Variants in DYNC1H1 observed in about 807,000 individuals in gnomAD.
DYNC1H1 encodes the protein cytoplasmic dynein 1 heavy chain 1.
DYNC1H1 carries 51 observed loss-of-function variants against 527.1 expected under a neutral mutation model. The observed-to-expected ratio is 0.10, with a 90% CI of 0.08 to 0.12. The LOEUF (loss-of-function observed/expected upper bound fraction) is 0.12. Ranked by LOEUF, DYNC1H1 falls within the 10% of genes least tolerant of loss-of-function variation. DYNC1H1 has a pLI of 1.00. For missense variants in DYNC1H1, 2,771 were observed against 5,971.8 expected, an observed-to-expected ratio of 0.46 and a Z score of 17.66; for synonymous variants, 2,189 against 2,278.8, an observed-to-expected ratio of 0.96 and a Z score of 1.12.
rs1038780180 is a variant in DYNC1H1 at position 102,042,325 on chromosome 14, C to T, written c.12275+37C>T. On this transcript the variant is annotated intron_variant, in intron 67 of 77. Coordinates refer to ENST00000360184, the MANE Select transcript of DYNC1H1 (RefSeq NM_001376.5). This position sits in a 1 kb window ranked among gnomAD's most constrained non-coding sequence, Gnocchi z 5.7. ...CTCTTTGGCTGAAGAAAGCCTTAGTCCCCAGGCATTCAGGCAGGCAGCCTG... is the reference window on the plus strand; with the variant it reads ...CTCTTTGGCTGAAGAAAGCCTTAGTTCCCAGGCATTCAGGCAGGCAGCCTG... 2 of 1,614,136 alleles carry T rather than the reference C, an allele frequency of 1.2e-6. No homozygotes were observed. The highest frequency in any genetic ancestry group is 1.7e-6 in the Non-Finnish European group (2 of 1,180,022).
intron 1 of DYNC1H1, among the ~76,000 whole-genome samples, chr14:101,971,085 CTTTTTTTT>C (rs780745783): frequency 1.6e-5 from 1 of 64,072 alleles, no homozygotes; most frequent in Non-Finnish European, 2.9e-5. Flanking sequence ...CCGTATCATT[CTTTTTTTT>C]TTTTTTTTTT....
chr14:102,038,916 G>T lies in DYNC1H1; in HGVS notation c.11206+68G>T. On this transcript the variant is annotated intron_variant, in intron 59 of 77. Coordinates refer to ENST00000360184, the MANE Select transcript of DYNC1H1 (RefSeq NM_001376.5). This position sits in a 1 kb window ranked among gnomAD's most constrained non-coding sequence, Gnocchi z 7.2. ...AAGGGGCTGAACTTTTAAGTGACTA[G>T]GATGTTCCACGTTTGTGGCAAACAC... The T allele has an allele frequency of 6.2e-7, 1 of 1,612,902 alleles. No individual in the cohort carries two copies. The highest frequency in any genetic ancestry group is 2.2e-5 in the East Asian group (1 of 44,884).
rs2048668647 is a variant in DYNC1H1, at chr14:102,042,851, G to GGT, written c.12513+105_12513+106dup. ...CCCTGGGCCCCCGGAAGTGCCGTGT[G>GGT]GTGAACTGCACAGCTGCTTTTGCTT... is the stretch of plus-strand genomic sequence containing the variant. On this transcript the variant is annotated intron_variant, in intron 69 of 77. Transcript: ENST00000360184. This position sits in a 1 kb window ranked among gnomAD's most constrained non-coding sequence, Gnocchi z 5.7. The GGT allele has an allele frequency of 7.6e-7, 1 of 1,309,940 alleles. No homozygotes were observed. Among genetic ancestry groups the GGT allele is most frequent in the Non-Finnish European group, 1.1e-6 (1 of 926,800 alleles). 81.1% of individuals were successfully genotyped at this position (1,309,940 alleles called of 1,614,324 possible).
chr14:102,047,891 GAGA>G lies in DYNC1H1; in HGVS notation c.13088_13090del (p.Lys4363del). On this transcript the variant is annotated inframe_deletion, in exon 73 of 78. Coordinates refer to ENST00000360184, the MANE Select transcript of DYNC1H1 (RefSeq NM_001376.5). ...GGACGACCTGGCCTACGCAGAGACT[GAGA>G]AGAAGACGAGGACAGACTCCACGTC... 1.2e-6 allele frequency: 2 copies of G among 1,613,696 alleles called. No individual in the cohort carries two copies. The highest frequency in any genetic ancestry group is 1.3e-5 in the African/African-American group (1 of 74,926).
chr14:102,004,904 C>T lies in DYNC1H1; in HGVS notation c.5192C>T (p.Thr1731Ile), dbSNP rs2141288753. 6.2e-7 allele frequency: 1 copy of T among 1,614,226 alleles called. No homozygotes were observed. Among genetic ancestry groups the T allele is most frequent in the South Asian group, 1.1e-5 (1 of 91,084 alleles). Residue 1731 changes from threonine to isoleucine, a missense_variant, in exon 25 of 78, where the codon ACT becomes ATT. Around this residue, in one of 32 missense-constraint regions of DYNC1H1, gnomAD observed 105 missense variants for 138.1 expected, o/e 0.76. Transcript: ENST00000360184. The part of the protein sequence containing the change: ...VTEVEIFGKA[T>I]SIDPNTYITW... Reference sequence around the variant, plus strand: ...GAAGTTGAGATTTTTGGTAAAGCAACTTCAATTGACCCAAATACCTACATC... The same window carrying T: ...GAAGTTGAGATTTTTGGTAAAGCAATTTCAATTGACCCAAATACCTACATC...
intron 34 of DYNC1H1, among the ~76,000 whole-genome samples, chr14:102,014,432 G>T (rs1253283548): frequency 6.6e-6 from 1 of 151,820 alleles, no homozygotes; most frequent in African/African-American, 2.4e-5. Context: ...TACTCAGGAG[G>T]CTGAGACAGG....
At chr14:101,967,430 GA>G (rs1394216926) in intron 1 of DYNC1H1, among the ~76,000 whole-genome samples, 2 of 152,142 alleles carry the variant, frequency 1.3e-5, no homozygotes, top group Admixed American at 6.5e-5. Context: ...TTTTTTTGTG[GA>G]AGTATCCAAA....
In DYNC1H1 at chr14:102,044,535, G is replaced by A; in HGVS notation, c.12902+44G>A. Reference sequence around the variant, plus strand: ...GAATGGAGACAGTTGTGATGTCAGGGCGTCTGGTGTCACTCAGAGGTGACC... The same window carrying A: ...GAATGGAGACAGTTGTGATGTCAGGACGTCTGGTGTCACTCAGAGGTGACC... On this transcript the variant is annotated intron_variant, in intron 71 of 77. Transcript: ENST00000360184. This position sits in a 1 kb window ranked among gnomAD's most constrained non-coding sequence, Gnocchi z 7.1. 1 of 1,613,940 alleles carries A rather than the reference G, an allele frequency of 6.2e-7. No individual in the cohort carries two copies. The highest frequency in any genetic ancestry group is 8.5e-7 in the Non-Finnish European group (1 of 1,179,860).
Position 102,042,077 on chromosome 14 carries a change from A to C in DYNC1H1, c.12167A>C (p.Glu4056Ala). The part of the protein sequence containing the change: ...VPGYDASGHV[E>A]DLAAEQNTQI... ...GGTTATGATGCCAGTGGACATGTCGAGGACCTTGCAGCCGAGCAGAACACG... is the reference window on the plus strand; with the variant it reads ...GGTTATGATGCCAGTGGACATGTCGCGGACCTTGCAGCCGAGCAGAACACG... The change falls in exon 66 of 78, where the codon GAG becomes GCG. Residue 4056 changes from glutamate (E) to alanine (A), a missense_variant. Physicochemically the swap from Glu to Ala is moderately radical, Grantham distance 107. This residue lies in a region of DYNC1H1 where 195 missense variants were observed against 428.6 expected (regional missense o/e 0.45). Coordinates refer to ENST00000360184, the MANE Select transcript of DYNC1H1 (RefSeq NM_001376.5). The surrounding 1 kb of genome is among the most constrained non-coding windows in gnomAD (Gnocchi z 5.7). The C allele has an allele frequency of 6.2e-7, 1 of 1,614,112 alleles. No homozygotes were observed. The highest frequency in any genetic ancestry group is 8.5e-7 in the Non-Finnish European group (1 of 1,180,016).
rs755543897 is a variant in DYNC1H1 at position 101,994,201 on chromosome 14, A to G, written c.3033A>G (p.Glu1011=). The change falls in exon 12 of 78, where the codon GAA becomes GAG. Residue 1011 remains glutamate, a synonymous_variant. Transcript: ENST00000360184. The part of the protein sequence containing the change: ...SQRYQVGVHY[E]LTEEEKFYRN... ...TTGGCTAGGTGGGTGTACATTACGA[A>G]TTGACTGAGGAAGAGAAATTCTATC... 42 of 1,614,208 alleles carry G rather than the reference A, an allele frequency of 2.6e-5. No homozygotes were observed. The highest frequency in any genetic ancestry group is 3.4e-5 in the Non-Finnish European group (40 of 1,180,040).
intron 41 of DYNC1H1, among the ~76,000 whole-genome samples, chr14:102,019,372 G>A (rs1185902804): frequency 6.6e-6 from 1 of 152,218 alleles, no homozygotes; most frequent in Non-Finnish European, 1.5e-5. Flanking sequence ...AGTGGGAGCC[G>A]CCAACTGCCC....
chr14:102,022,722 C>T (rs373466937), intron 42 of DYNC1H1, 29 bp from the exon 43 acceptor site: 2 of 1,613,732 alleles, frequency 1.2e-6, no homozygotes, highest in African/African-American at 2.7e-5. Context: ...CCTCTAGTTA[C>T]CTAAATGCAC....
intron 5 of DYNC1H1, 98 bp downstream of exon 5, chr14:101,980,648 T>C: frequency 1.4e-6 from 2 of 1,394,218 alleles, no homozygotes; most frequent in East Asian, 4.9e-5. Context: ...TTTTCACAGA[T>C]GTACTGTCGT....
At position 102,002,499 on chromosome 14, in the gene DYNC1H1, G is replaced by T. The variant is rs372396642; in HGVS notation, c.4543-38G>T. Reference sequence around the variant, plus strand: ...GTTTTGGCATATCTGTGAGTAGAAGGGTCAGCAGTTTACCTCTCCCTCCTG... The same window carrying T: ...GTTTTGGCATATCTGTGAGTAGAAGTGTCAGCAGTTTACCTCTCCCTCCTG... On this transcript the variant is annotated intron_variant, in intron 21 of 77. Coordinates refer to ENST00000360184, the MANE Select transcript of DYNC1H1 (RefSeq NM_001376.5). This position sits in a 1 kb window ranked among gnomAD's most constrained non-coding sequence, Gnocchi z 4.4. 6.2e-7 allele frequency: 1 copy of T among 1,613,018 alleles called. No individual in the cohort carries two copies. The highest frequency in any genetic ancestry group is 1.3e-5 in the African/African-American group (1 of 74,882).
chr14:102,020,192 C>T lies in DYNC1H1; in HGVS notation c.8507+136C>T. ...GTGCCAGTGGTGGAAGGAGCAGAGT[C>T]AGCCAGGGCAGCCTCCCGTCTGGAC... On this transcript the variant is annotated intron_variant, in intron 42 of 77. Coordinates refer to ENST00000360184, the MANE Select transcript of DYNC1H1 (RefSeq NM_001376.5). The surrounding 1 kb of genome is among the most constrained non-coding windows in gnomAD (Gnocchi z 4.3). 3.4e-6 allele frequency: 4 copies of T among 1,190,836 alleles called. No individual in the cohort carries two copies. Among genetic ancestry groups the T allele is most frequent in the East Asian group, 2.6e-5 (1 of 39,120 alleles). 73.8% of individuals were successfully genotyped at this position (1,190,836 alleles called of 1,614,324 possible). A position where few individuals can be genotyped will look rare whatever the true frequency, so the allele number is the denominator to read the frequency against.
At chr14:102,026,756 G>T (rs1443512483) in intron 44 of DYNC1H1, 49 bp downstream of exon 44, 5 of 1,600,606 alleles carry the variant, frequency 3.1e-6, no homozygotes, top group African/African-American at 2.7e-5. Context: ...AGCTGCTCTT[G>T]AGTAAGTGTG....
In DYNC1H1 at chr14:102,032,254, A is replaced by G; in HGVS notation, c.9884-18A>G. On this transcript the variant is annotated intron_variant, in intron 51 of 77. Coordinates refer to ENST00000360184, the MANE Select transcript of DYNC1H1 (RefSeq NM_001376.5). ...TTCTCCCACCCATCGACCCTCATCC[A>G]CTCCTGCTGCCACTCAGCTGTGAAG... 4 of 1,612,366 alleles carry G rather than the reference A, an allele frequency of 2.5e-6. No individual in the cohort carries two copies. Among genetic ancestry groups the G allele is most frequent in the Non-Finnish European group, 3.4e-6 (4 of 1,179,840 alleles).
chr14:102,029,281 T>C lies in DYNC1H1; in HGVS notation c.9469-258T>C. The C allele has an allele frequency of 1.9e-6, 1 of 527,648 alleles. No individual in the cohort carries two copies. Among genetic ancestry groups the C allele is most frequent in the East Asian group, 3.3e-5 (1 of 29,888 alleles). 32.7% of individuals were successfully genotyped at this position (527,648 alleles called of 1,614,324 possible). On this transcript the variant is annotated intron_variant, in intron 48 of 77. Transcript: ENST00000360184. This position sits in a 1 kb window ranked among gnomAD's most constrained non-coding sequence, Gnocchi z 5.3. ...AGTAACTGACATTTGTGATGCCTTTTCACATAAGTACACCTCTAAAGTTGG... is the reference window on the plus strand; with the variant it reads ...AGTAACTGACATTTGTGATGCCTTTCCACATAAGTACACCTCTAAAGTTGG...
At chr14:102,048,755 G>C in intron 74 of DYNC1H1, 86 bp downstream of exon 74, 6 of 1,469,008 alleles carry the variant, frequency 4.1e-6, no homozygotes, top group Non-Finnish European at 5.5e-6. Context: ...ACAGCACCAC[G>C]TGCAGACAGC....
Sources: gnomAD v4.1 joint callset for allele counts (sites outside exome capture counted in the v4.1 genomes callset) on GRCh38, gnomAD v4.1.1 for gene constraint, gnomAD v4.1.1 regional missense constraint, Gnocchi (gnomAD v3.1) non-coding constraint, MANE v1.5 for transcripts, NCBI Gene and HGNC (gene_info 2026-07-23, HGNC 2026-07-21) for gene names.